RYR2: variants seen among roughly 807,000 people sequenced by gnomAD.
The protein encoded by RYR2 is cardiac muscle ryanodine receptor-calcium release channel.
Under a neutral mutation model 601.1 loss-of-function variants are expected in RYR2, and 227 were observed. The observed-to-expected ratio is 0.38, with a 90% CI of 0.34 to 0.42. RYR2 has a LOEUF of 0.42. Ranked by LOEUF, RYR2 falls within the 10% of genes least tolerant of loss-of-function variation. RYR2 has a pLI of 1.00. For synonymous variants in RYR2, 2,223 were observed against 2,175.1 expected (o/e 1.02, Z -0.61); for missense variants, 4,646 against 6,156.5 (o/e 0.75, Z 8.21).
At chr1:237,327,732 A>C (rs1472077306) in intron 2 of RYR2, among the ~76,000 whole-genome samples, 1 of 152,222 alleles carries the variant, frequency 6.6e-6, no homozygotes, top group Admixed American at 6.5e-5. Flanking sequence ...TAGCTCACTT[A>C]TTTTAAGTTC....
intron 1 of RYR2, among the ~76,000 whole-genome samples, chr1:237,055,165 C>T (rs986057534): frequency 4.6e-5 from 7 of 152,194 alleles, no homozygotes; most frequent in African/African-American, 1.4e-4. Context: ...GACCCTGATG[C>T]GAAGGCGGGA....
chr1:237,134,784 G>A (rs908219103), intron 1 of RYR2, among the ~76,000 whole-genome samples: 4 of 152,224 alleles, frequency 2.6e-5, no homozygotes, highest in African/African-American at 9.6e-5. Flanking sequence ...GCCAGGGATT[G>A]TTGTAAGCAA....
chr1:237,589,779 T>C lies in RYR2; in HGVS notation c.3599-14T>C, dbSNP rs747215599. 2 of 1,612,854 alleles carry C rather than the reference T, an allele frequency of 1.2e-6. No homozygotes were observed. The highest frequency in any genetic ancestry group is 1.7e-6 in the Non-Finnish European group (2 of 1,179,278). On this transcript the variant is annotated splice_polypyrimidine_tract_variant and intron_variant, in intron 29 of 104. Coordinates refer to ENST00000366574, the MANE Select transcript of RYR2 (RefSeq NM_001035.3). ...ACTAATGGTACTAAAACTTGATTTT[T>C]TTTTTCTTCCCAGGATTCATACCTG...
intron 1 of RYR2, among the ~76,000 whole-genome samples, chr1:237,160,185 C>T (rs367750576): frequency 3.5e-4 from 54 of 152,254 alleles, no homozygotes; most frequent in African/African-American, 1.3e-3. Context: ...TGGTATAAAG[C>T]AGTTCAATTT....
At chr1:237,333,146 C>T (rs972814529) in intron 3 of RYR2, among the ~76,000 whole-genome samples, 5 of 152,060 alleles carry the variant, frequency 3.3e-5, no homozygotes, top group Admixed American at 6.6e-5. Context: ...TTTTATAAAG[C>T]GCAGTATAGT....
chr1:237,650,227 C>A, intron 50 of RYR2, 130 bp downstream of exon 50: 1 of 832,366 alleles, frequency 1.2e-6, no homozygotes, highest in Non-Finnish European at 1.9e-6. Context: ...TTAGGTAGTC[C>A]CATATACTGA....
rs1167300912 is a variant in RYR2, at chr1:237,256,831, C to T, written c.49-13666C>T. On this transcript the variant is annotated intron_variant, in intron 1 of 104. Transcript: ENST00000366574. ...GTGCTGATCTCCCTCTTCCACTCTA[C>T]TTTTTTCTCCTTTACCAAAAATTTG... Among the ~76,000 whole-genome samples the T allele has an allele frequency of 2.6e-5, 4 of 152,128 alleles. No homozygotes were observed. The East Asian group carries it at 7.7e-4, about 29-fold the overall frequency.
intron 8 of RYR2, among the ~76,000 whole-genome samples, chr1:237,379,171 A>G (rs1701256459): frequency 1.3e-5 from 2 of 152,224 alleles, no homozygotes; most frequent in Non-Finnish European, 2.9e-5. Context: ...TAATATATAA[A>G]TTATACACAT....
intron 84 of RYR2, among the ~76,000 whole-genome samples, chr1:237,764,472 G>T (rs1693687702): frequency 7.9e-6 from 1 of 126,314 alleles, no homozygotes; most frequent in Admixed American, 9.6e-5. Flanking sequence ...TTTTTGAGAT[G>T]GAGTGTCGCT....
At chr1:237,305,874 A>G (rs1208837500) in intron 2 of RYR2, among the ~76,000 whole-genome samples, 2 of 152,216 alleles carry the variant, frequency 1.3e-5, no homozygotes, top group Non-Finnish European at 1.5e-5. Flanking sequence ...TGATGGACTC[A>G]TGGGTGTTAA....
intron 1 of RYR2, among the ~76,000 whole-genome samples, chr1:237,119,412 G>T (rs1354802788): frequency 1.3e-5 from 2 of 152,082 alleles, no homozygotes; most frequent in Non-Finnish European, 2.9e-5. Flanking sequence ...AAAACTGCAT[G>T]TGTGTGTGTG....
At chr1:237,131,358 T>C (rs562868978) in intron 1 of RYR2, among the ~76,000 whole-genome samples, 1 of 152,088 alleles carries the variant, frequency 6.6e-6, no homozygotes. Context: ...TTAAATGGAA[T>C]GTTTAGTATT....
At position 237,798,068 on chromosome 1, in the gene RYR2, G is replaced by A. The variant is rs1483438745; in HGVS notation, c.13988G>A (p.Arg4663Gln). ...GATAAATATGGAGAGTTCTACGGCC[G>A]AGACAGAATCAGTGAATTACTTGGC... is the stretch of plus-strand genomic sequence containing the variant. ...VMDKYGEFYG[R>Q]DRISELLGMD... Residue 4663 changes from arginine (R) to glutamine (Q), a missense_variant, in exon 97 of 105, where the codon CGA becomes CAA. This residue lies in a region of RYR2 where 76 missense variants were observed against 97.4 expected (regional missense o/e 0.78). Coordinates refer to ENST00000366574, the MANE Select transcript of RYR2 (RefSeq NM_001035.3). The A allele has an allele frequency of 1.2e-6, 2 of 1,611,224 alleles. No homozygotes were observed. Among genetic ancestry groups the A allele is most frequent in the Non-Finnish European group, 1.7e-6 (2 of 1,178,630 alleles).
chr1:237,674,730 G>C lies in RYR2; in HGVS notation c.8715-1G>C, dbSNP rs539071096. ...TCCCATTTTCATTTTTGCTCTTCCA[G>C]AGGATTTAAGGACCTGGAACTGGAC... On this transcript the variant is annotated splice_acceptor_variant, in intron 59 of 104. Coordinates refer to ENST00000366574, the MANE Select transcript of RYR2 (RefSeq NM_001035.3). LOFTEE classifies it high-confidence loss of function. 6.3e-7 allele frequency: 1 copy of C among 1,597,600 alleles called. No individual in the cohort carries two copies. The highest frequency in any genetic ancestry group is 2.2e-5 in the East Asian group (1 of 44,708).
At chr1:237,274,572 T>C (rs1306119706) in intron 2 of RYR2, among the ~76,000 whole-genome samples, 2 of 152,206 alleles carry the variant, frequency 1.3e-5, no homozygotes, top group African/African-American at 4.8e-5. Flanking sequence ...AAGCTAAGGT[T>C]AATTTATCAT....
intron 35 of RYR2, among the ~76,000 whole-genome samples, chr1:237,608,336 C>G (rs929269506): frequency 1.3e-5 from 2 of 152,048 alleles, no homozygotes. Context: ...TCATACAACT[C>G]GGAGTAAAGG....
At chr1:237,804,632 A>T (rs1237446771) in intron 98 of RYR2, among the ~76,000 whole-genome samples, 2 of 152,138 alleles carry the variant, frequency 1.3e-5, no homozygotes, top group African/African-American at 4.8e-5. Context: ...AATAATCAAC[A>T]TTAATTATAA....
chr1:237,387,958 T>C lies in RYR2; in HGVS notation c.677-129T>C, dbSNP rs1702075025. 11 of 796,768 alleles carry C rather than the reference T, an allele frequency of 1.4e-5. No homozygotes were observed. The South Asian group carries it at 1.6e-4, about 12-fold the overall frequency. The allele number at this position is 796,768 out of a possible 1,614,324, so 49.4% of individuals were successfully genotyped here. On this transcript the variant is annotated intron_variant, in intron 9 of 104. Transcript: ENST00000366574. Reference sequence around the variant, plus strand: ...CAGGCACTGTCTATCTCTGTGACCTTGGCCAGGTCCTTAAGACTCACTAGA... The same window carrying C: ...CAGGCACTGTCTATCTCTGTGACCTCGGCCAGGTCCTTAAGACTCACTAGA...
intron 58 of RYR2, among the ~76,000 whole-genome samples, chr1:237,671,502 G>GGTGTGTGTGTGTGTGTGC (rs1684927921): frequency 6.7e-6 from 1 of 149,280 alleles, no homozygotes; most frequent in South Asian, 2.1e-4. Context: ...TTGGTGCCTG[G>GGTGTGTGTGTGTGTGTGC]GTGTGTGTGT....
Sources: gnomAD v4.1 joint callset for allele counts (sites outside exome capture counted in the v4.1 genomes callset) on GRCh38, gnomAD v4.1.1 for gene constraint, gnomAD v4.1.1 regional missense constraint, MANE v1.5 for transcripts, NCBI Gene and HGNC (gene_info 2026-07-23, HGNC 2026-07-21) for gene names.